The following NAPEPLD variants were observed in gnomAD, a reference collection of about 807,000 sequenced individuals.
The protein encoded by NAPEPLD is N-acyl phosphatidylethanolamine phospholipase D.
Under a neutral mutation model 38.1 loss-of-function variants are expected in NAPEPLD, and 23 were observed. The ratio of observed to expected loss-of-function variants is 0.60; its 90% CI spans 0.43 to 0.86. The LOEUF (loss-of-function observed/expected upper bound fraction) is 0.86, where lower values mean the gene tolerates loss of function less well. Ranked by LOEUF, NAPEPLD falls within the 40% of genes least tolerant of loss-of-function variation. NAPEPLD has a pLI of 0.00. For missense variants in NAPEPLD, 411 were observed against 476.8 expected (o/e 0.86, Z 1.28); for synonymous variants, 147 against 162.0 (o/e 0.91, Z 0.71).
At chr7:103,126,929 T>C (rs1054988307) in intron 2 of NAPEPLD, 1 of 151,896 alleles carries the variant, frequency 6.6e-6, no homozygotes, top group African/African-American at 2.4e-5. Flanking sequence ...CACCTAGCCA[T>C]GTAATATTTT....
chr7:103,142,190 T>C (rs1811545594), intron 1 of NAPEPLD, among the ~76,000 whole-genome samples: 1 of 152,206 alleles, frequency 6.6e-6, no homozygotes, highest in Non-Finnish European at 1.5e-5. Flanking sequence ...TATGCTAGCC[T>C]GGCAGCTGCC....
rs1362328173 is a variant in NAPEPLD, at chr7:103,102,820, A to G, written c.*609T>C. The G allele has an allele frequency of 6.5e-6, 1 of 152,674 alleles. No individual in the cohort carries two copies. Among genetic ancestry groups the G allele is most frequent in the African/African-American group, 2.4e-5 (1 of 41,474 alleles). The allele number at this position is 152,674 out of a possible 1,614,324, so 9.5% of individuals were successfully genotyped here. A position where few individuals can be genotyped will look rare whatever the true frequency, so the allele number is the denominator to read the frequency against. On this transcript the variant is annotated 3_prime_UTR_variant, in exon 5 of 5. Coordinates refer to ENST00000465647, the MANE Select transcript of NAPEPLD (RefSeq NM_001122838.3). ...ATATGTATTTATATATTTTACCACA[A>G]TAGAGAAAATCAAGTCTTTAAAAAT...
chr7:103,149,378 C>T (rs1013173417), upstream of NAPEPLD: 13 of 1,169,282 alleles, frequency 1.1e-5, no homozygotes, highest in Non-Finnish European at 1.4e-5. Flanking sequence ...GGAGGGGCGA[C>T]CGCGGCAGGC....
intron 1 of NAPEPLD, among the ~76,000 whole-genome samples, chr7:103,145,436 G>A (rs747307466): frequency 1.3e-5 from 2 of 152,196 alleles, no homozygotes; most frequent in Non-Finnish European, 2.9e-5. Flanking sequence ...TATGAGGAAA[G>A]ATTGAGAAAG....
chr7:103,112,486 A>G (rs1804727123), intron 4 of NAPEPLD, among the ~76,000 whole-genome samples: 1 of 152,186 alleles, frequency 6.6e-6, no homozygotes, highest in African/African-American at 2.4e-5. Context: ...CATCATTCTC[A>G]GCAAACTAAC....
chr7:103,120,187 A>T lies in NAPEPLD; in HGVS notation c.331T>A (p.Phe111Ile). 1 of 1,614,154 alleles carries T rather than the reference A, an allele frequency of 6.2e-7. No homozygotes were observed. The highest frequency in any genetic ancestry group is 8.5e-7 in the Non-Finnish European group (1 of 1,180,026). ...DKELPVLKPY[F>I]ITNPEEAGVR... The stretch of plus-strand genomic sequence containing the variant: ...CCAGCTTCTTCAGGGTTAGTGATAA[A>T]ATATGGCTTAAGCACTGGGAGTTCT... The change falls in exon 3 of 5, where the codon TTT (phenylalanine) becomes ATT (isoleucine). Residue 111 changes from phenylalanine (F) to isoleucine (I), a missense_variant. Coordinates refer to ENST00000465647, the MANE Select transcript of NAPEPLD (RefSeq NM_001122838.3).
intron 2 of NAPEPLD, among the ~76,000 whole-genome samples, chr7:103,121,223 C>T (rs572043420): frequency 2.0e-5 from 3 of 152,096 alleles, no homozygotes; most frequent in Non-Finnish European, 2.9e-5. Context: ...TATAACAAAG[C>T]GTGAAGAGTA....
At chr7:103,111,676 A>G (rs1432095015) in intron 4 of NAPEPLD, among the ~76,000 whole-genome samples, 1 of 152,234 alleles carries the variant, frequency 6.6e-6, no homozygotes, top group African/African-American at 2.4e-5. Flanking sequence ...AACCCAGGCA[A>G]TACCATTCAG....
chr7:103,149,596 C>G, upstream of NAPEPLD: 1 of 831,062 alleles, frequency 1.2e-6, no homozygotes, highest in Non-Finnish European at 1.6e-6. Context: ...GATGGCCGCC[C>G]CTGTGGGCCG....
chr7:103,143,247 A>T (rs1187528181), intron 1 of NAPEPLD, among the ~76,000 whole-genome samples: 1 of 152,104 alleles, frequency 6.6e-6, no homozygotes. Flanking sequence ...AATAAACATA[A>T]ATAAATAAAA....
intron 1 of NAPEPLD, among the ~76,000 whole-genome samples, chr7:103,138,479 T>TG (rs1810541044): frequency 6.6e-6 from 1 of 151,388 alleles, no homozygotes; most frequent in Non-Finnish European, 1.5e-5. Flanking sequence ...AGCCCTTTTT[T>TG]TTTTTTGAGT....
chr7:103,104,867 T>A (rs1351881416), intron 4 of NAPEPLD, among the ~76,000 whole-genome samples: 1 of 152,200 alleles, frequency 6.6e-6, no homozygotes, highest in East Asian at 1.9e-4. Flanking sequence ...GAAAAATAAC[T>A]TCTTTTGTTA....
upstream of NAPEPLD, chr7:103,149,170 C>T: frequency 3.0e-6 from 3 of 991,352 alleles, no homozygotes; most frequent in Non-Finnish European, 3.6e-6. Context: ...GGGAGAAAAC[C>T]GCCTCCCGCG....
intron 2 of NAPEPLD, among the ~76,000 whole-genome samples, chr7:103,120,841 C>G (rs775707726): frequency 2.0e-5 from 3 of 150,790 alleles, no homozygotes; most frequent in Non-Finnish European, 4.4e-5. Context: ...AACCTCTCAG[C>G]TGGGATCACA....
intron 1 of NAPEPLD, among the ~76,000 whole-genome samples, chr7:103,134,958 T>C (rs1460801803): frequency 6.6e-6 from 1 of 152,360 alleles, no homozygotes; most frequent in East Asian, 1.9e-4. Context: ...CTTTCTTTTT[T>C]CAACATTTAA....
chr7:103,133,195 C>G (rs1356828818), intron 1 of NAPEPLD, among the ~76,000 whole-genome samples: 1 of 152,166 alleles, frequency 6.6e-6, no homozygotes, highest in Non-Finnish European at 1.5e-5. Context: ...CGGCCTGAAA[C>G]TATTTCCTCA....
Position 103,102,218 on chromosome 7 carries a change from CTG to C in NAPEPLD, c.*1209_*1210del, listed in dbSNP as rs1432085611. 5 of 152,002 alleles carry C rather than the reference CTG, an allele frequency of 3.3e-5. No homozygotes were observed. The highest frequency in any genetic ancestry group is 9.7e-5 in the African/African-American group (4 of 41,388). The allele number at this position is 152,002 out of a possible 1,614,324, so 9.4% of individuals were successfully genotyped here. A position where few individuals can be genotyped will look rare whatever the true frequency, so the allele number is the denominator to read the frequency against. On this transcript the variant is annotated 3_prime_UTR_variant, in exon 5 of 5. Coordinates refer to ENST00000465647, the MANE Select transcript of NAPEPLD (RefSeq NM_001122838.3). ...AGAATATGGTCTATTAACATTTTGT[CTG>C]TAAAATATTTCATTGTAGCTGTATT...
intron 2 of NAPEPLD, among the ~76,000 whole-genome samples, chr7:103,124,814 G>A (rs1311577390): frequency 1.3e-5 from 2 of 152,156 alleles, no homozygotes; most frequent in Non-Finnish European, 2.9e-5. Flanking sequence ...GGGTCACTAA[G>A]AAATTTGCCA....
chr7:103,126,054 A>C (rs1353351897), intron 2 of NAPEPLD, among the ~76,000 whole-genome samples: 1 of 152,170 alleles, frequency 6.6e-6, no homozygotes, highest in Non-Finnish European at 1.5e-5. Flanking sequence ...GGCTGTGTAC[A>C]AAAACCACTG....
Sources: allele counts gnomAD v4.1 joint callset (sites outside exome capture counted in the v4.1 genomes callset), GRCh38; gene constraint gnomAD v4.1.1; transcripts MANE v1.5; gene names NCBI Gene and HGNC (gene_info 2026-07-23, HGNC 2026-07-21).